Variants in GRIN2B observed in about 807,000 individuals in gnomAD.
GRIN2B encodes glutamate receptor ionotropic, NMDA 2B.
In GRIN2B, 5 loss-of-function variants were observed where a neutral mutation model predicts 114.5. The ratio of observed to expected loss-of-function variants is 0.04; its 90% CI spans 0.02 to 0.09. GRIN2B has a LOEUF of 0.09. Among genes scored for constraint, GRIN2B ranks in the 10% least tolerant of loss-of-function variants. The pLI is 1.00. For missense variants in GRIN2B, 1,108 were observed against 1,943.5 expected (o/e 0.57, Z 8.08); for synonymous variants, 787 against 745.1 (o/e 1.06, Z -0.92).
intron 10 of GRIN2B, among the ~76,000 whole-genome samples, chr12:13,588,400 T>TAAA (rs1211229537): frequency 1.3e-5 from 2 of 152,200 alleles, no homozygotes; most frequent in African/African-American, 2.4e-5. Flanking sequence ...TTGTTTTCTT[T>TAAA]AATAACTTAA....
At chr12:13,658,746 T>C (rs535789292) in intron 5 of GRIN2B, among the ~76,000 whole-genome samples, 2 of 152,132 alleles carry the variant, frequency 1.3e-5, no homozygotes, top group Non-Finnish European at 2.9e-5. Flanking sequence ...TGTTCTGTGA[T>C]TGCCTGGCAT....
At chr12:13,702,818 T>C (rs550096954) in intron 4 of GRIN2B, among the ~76,000 whole-genome samples, 1 of 152,330 alleles carries the variant, frequency 6.6e-6, no homozygotes, top group East Asian at 1.9e-4. Flanking sequence ...CACATGTTTA[T>C]GTGCTTGTCA....
intron 4 of GRIN2B, among the ~76,000 whole-genome samples, chr12:13,748,036 C>A (rs1565522711): frequency 6.6e-6 from 1 of 152,156 alleles, no homozygotes; most frequent in African/African-American, 2.4e-5. Flanking sequence ...TAAGAAAGTA[C>A]TTTTTTTCAC....
chr12:13,931,041 T>C (rs768060772), intron 2 of GRIN2B, among the ~76,000 whole-genome samples: 1 of 152,334 alleles, frequency 6.6e-6, no homozygotes, highest in South Asian at 2.1e-4. Flanking sequence ...ATGTTCTACG[T>C]GGGACAGATC....
intron 8 of GRIN2B, 23 bp from the exon 9 acceptor site, chr12:13,611,873 G>T (rs1275857773): frequency 1.2e-6 from 2 of 1,611,690 alleles, no homozygotes; most frequent in Admixed American, 1.7e-5. Flanking sequence ...AAAAAGCAGT[G>T]CTCAGGGTTA....
At chr12:13,722,326 A>C (rs1862897721) in intron 4 of GRIN2B, among the ~76,000 whole-genome samples, 1 of 152,134 alleles carries the variant, frequency 6.6e-6, no homozygotes, top group Non-Finnish European at 1.5e-5. Flanking sequence ...ATAGTGGAGA[A>C]GGAGAAATAG....
At chr12:13,672,129 A>G (rs1027958684) in intron 5 of GRIN2B, among the ~76,000 whole-genome samples, 9 of 152,126 alleles carry the variant, frequency 5.9e-5, no homozygotes, top group African/African-American at 1.9e-4. Context: ...TTCTTTTCCA[A>G]TCTGCTATTT....
chr12:13,576,534 ATTTTCTTTTTTCTTTTTTCTTT>A (rs1192171794), intron 10 of GRIN2B, among the ~76,000 whole-genome samples: 1 of 150,432 alleles, frequency 6.6e-6, no homozygotes, highest in African/African-American at 2.4e-5. Flanking sequence ...AGTACTCTTT[ATTTTCTTTTTTCTTTTTTCTTT>A]TTTTTTTTGA....
intron 5 of GRIN2B, among the ~76,000 whole-genome samples, chr12:13,630,493 C>T (rs1339118500): frequency 6.6e-6 from 1 of 152,150 alleles, no homozygotes; most frequent in African/African-American, 2.4e-5. Context: ...CATGTAGAGA[C>T]TTGGATGAGC....
intron 4 of GRIN2B, among the ~76,000 whole-genome samples, chr12:13,682,234 T>C (rs1950137444): frequency 6.6e-6 from 1 of 152,174 alleles, no homozygotes. Flanking sequence ...ATGTCCTCTT[T>C]TTAAGGAAGA....
rs145436655 is a variant in GRIN2B, at chr12:13,955,527, G to T, written c.-19+24401C>A. Among the ~76,000 whole-genome samples, 422 of 152,232 alleles carry T rather than the reference G, an allele frequency of 2.8e-3. 2 individuals are homozygous for T. Among genetic ancestry groups the T allele is most frequent in the African/African-American group, 1.0e-2 (414 of 41,544 alleles). ...TTCAAATTCAAAACTTTACTTCGAT[G>T]ATTTCAAGGAGCAAGAAACAGCTGA... On this transcript the variant is annotated intron_variant, in intron 2 of 13. Coordinates refer to ENST00000609686, the MANE Select transcript of GRIN2B (RefSeq NM_000834.5).
intron 5 of GRIN2B, among the ~76,000 whole-genome samples, chr12:13,616,912 G>T (rs1224941597): frequency 6.6e-6 from 1 of 152,194 alleles, no homozygotes; most frequent in African/African-American, 2.4e-5. Context: ...CTATGTGCTG[G>T]CACCCTGTTA....
chr12:13,832,779 A>AT (rs1488801145), intron 3 of GRIN2B, among the ~76,000 whole-genome samples: 2 of 152,152 alleles, frequency 1.3e-5, no homozygotes, highest in Non-Finnish European at 1.5e-5. Context: ...TCAAGTAAAT[A>AT]TTTTTGCATT....
intron 3 of GRIN2B, among the ~76,000 whole-genome samples, chr12:13,774,685 G>A (rs1270231215): frequency 6.6e-6 from 1 of 152,140 alleles, no homozygotes; most frequent in Non-Finnish European, 1.5e-5. Flanking sequence ...GACATGTCTG[G>A]CAAACAGTTT....
chr12:13,723,128 A>C (rs941233910), intron 4 of GRIN2B, among the ~76,000 whole-genome samples: 5 of 128,666 alleles, frequency 3.9e-5, no homozygotes, highest in African/African-American at 1.2e-4. Flanking sequence ...ATAAATGCTT[A>C]CACCTTTTTT....
intron 2 of GRIN2B, among the ~76,000 whole-genome samples, chr12:13,946,664 A>T (rs1867367813): frequency 6.6e-6 from 1 of 152,140 alleles, no homozygotes; most frequent in Non-Finnish European, 1.5e-5. Flanking sequence ...ATTTGTAAAC[A>T]TTTGGTGAAA....
chr12:13,615,692 CA>C lies in GRIN2B; in HGVS notation c.1329-29del. On this transcript the variant is annotated intron_variant, in intron 6 of 13. Coordinates refer to ENST00000609686, the MANE Select transcript of GRIN2B (RefSeq NM_000834.5). This position sits in a 1 kb window ranked among gnomAD's most constrained non-coding sequence, Gnocchi z 5.8. ...AGCCAATTAAAGAAACAAAAACAAACAAACAAAAAAGTCTTTGTACAAAAAG... is the reference window on the plus strand; with the variant it reads ...AGCCAATTAAAGAAACAAAAACAAACAACAAAAAAGTCTTTGTACAAAAAG... The C allele has an allele frequency of 1.2e-6, 2 of 1,603,586 alleles. No homozygotes were observed. The highest frequency in any genetic ancestry group is 1.7e-6 in the Non-Finnish European group (2 of 1,170,640).
chr12:13,596,277 T>C (rs1467883916), intron 10 of GRIN2B, among the ~76,000 whole-genome samples: 2 of 152,230 alleles, frequency 1.3e-5, no homozygotes, highest in Non-Finnish European at 2.9e-5. Flanking sequence ...AATCAGTTCT[T>C]GCAAGAAACA....
At chr12:13,826,900 C>A (rs1020054344) in intron 3 of GRIN2B, among the ~76,000 whole-genome samples, 13 of 151,900 alleles carry the variant, frequency 8.6e-5, no homozygotes, top group African/African-American at 3.1e-4. Context: ...GTACCATTGA[C>A]TAATTACCTC....
Sources: gnomAD v4.1 joint callset for allele counts (sites outside exome capture counted in the v4.1 genomes callset) on GRCh38, gnomAD v4.1.1 for gene constraint, Gnocchi (gnomAD v3.1) non-coding constraint, MANE v1.5 for transcripts, NCBI Gene and HGNC (gene_info 2026-07-23, HGNC 2026-07-21) for gene names.